THRAP3: variants seen among roughly 807,000 people sequenced by gnomAD.
THRAP3 encodes thyroid hormone receptor associated protein 3.
Under a neutral mutation model 101.0 loss-of-function variants are expected in THRAP3, and 16 were observed. The observed-to-expected ratio is 0.16, with a 90% CI of 0.11 to 0.24. The LOEUF (loss-of-function observed/expected upper bound fraction) is 0.24. Ranked by LOEUF, THRAP3 falls within the 10% of genes least tolerant of loss-of-function variation. The pLI is 1.00. For synonymous variants in THRAP3, 407 were observed against 422.6 expected, an observed-to-expected ratio of 0.96 and a Z score of 0.45; for missense variants, 989 against 1,202.7, an observed-to-expected ratio of 0.82 and a Z score of 2.63.
chr1:36,243,927 A>C (rs1346445541), intron 1 of THRAP3, among the ~76,000 whole-genome samples: 10 of 102,072 alleles, frequency 9.8e-5, no homozygotes, highest in African/African-American at 1.5e-4. Context: ...CGGGGGGCTG[A>C]CCCCCCCACC....
In THRAP3 at chr1:36,304,443, C is replaced by T. The variant is rs1301045078; in HGVS notation, c.*426C>T. 1 of 228,476 alleles carries T rather than the reference C, an allele frequency of 4.4e-6. No individual in the cohort carries two copies. The highest frequency in any genetic ancestry group is 2.3e-5 in the African/African-American group (1 of 43,656). The allele number at this position is 228,476 out of a possible 1,614,324, so 14.2% of individuals were successfully genotyped here. On this transcript the variant is annotated 3_prime_UTR_variant, in exon 12 of 12. Coordinates refer to ENST00000354618, the MANE Select transcript of THRAP3 (RefSeq NM_005119.4). ...CCCCTGTCCTGATTTTAAAAGCCCCCTCCTTTTTTTTTTTTTTTTTCTTTT... is the reference window on the plus strand; with the variant it reads ...CCCCTGTCCTGATTTTAAAAGCCCCTTCCTTTTTTTTTTTTTTTTTCTTTT...
At chr1:36,279,963 A>G (rs1403953139) in intron 2 of THRAP3, among the ~76,000 whole-genome samples, 1 of 152,216 alleles carries the variant, frequency 6.6e-6, no homozygotes, top group East Asian at 1.9e-4. Flanking sequence ...ACTGCTCTAG[A>G]CAGGCAATAT....
At chr1:36,213,407 G>A in the THRAP3 span, among the ~76,000 whole-genome samples, 72 of 152,226 alleles carry the variant, frequency 4.7e-4, no homozygotes, top group African/African-American at 1.6e-3. Flanking sequence ...GACATGTAAA[G>A]GCCTAAAACA....
chr1:36,211,221 C>T, the THRAP3 span, among the ~76,000 whole-genome samples: 8 of 151,702 alleles, frequency 5.3e-5, no homozygotes, highest in Non-Finnish European at 1.2e-4. Flanking sequence ...ATTAACTGTG[C>T]CTGGTGGCAC....
chr1:36,294,019 T>G, intron 8 of THRAP3, 84 bp downstream of exon 8: 2 of 1,571,198 alleles, frequency 1.3e-6, no homozygotes, highest in Non-Finnish European at 1.7e-6. Flanking sequence ...TTTAAATTAC[T>G]CTCTACTTAA....
chr1:36,212,427 T>A, the THRAP3 span, among the ~76,000 whole-genome samples: 2 of 147,764 alleles, frequency 1.4e-5, no homozygotes, highest in African/African-American at 2.5e-5. Context: ...TCTTTTTTTT[T>A]TTTTTTTTTT....
chr1:36,226,362 C>T (rs955919569), intron 1 of THRAP3, among the ~76,000 whole-genome samples: 5 of 152,092 alleles, frequency 3.3e-5, no homozygotes, highest in African/African-American at 7.2e-5. Flanking sequence ...TGGGTTCAAG[C>T]GATTCTCCTG....
chr1:36,265,608 A>C (rs549648670), intron 2 of THRAP3, among the ~76,000 whole-genome samples: 1 of 152,168 alleles, frequency 6.6e-6, no homozygotes, highest in Non-Finnish European at 1.5e-5. Flanking sequence ...AATTTTACCA[A>C]ATAACTGTAA....
At chr1:36,226,778 T>TA (rs2124322305) in intron 1 of THRAP3, among the ~76,000 whole-genome samples, 1 of 152,306 alleles carries the variant, frequency 6.6e-6, no homozygotes, top group East Asian at 1.9e-4. Flanking sequence ...ATTCAACAAA[T>TA]ACTACTTGAG....
intron 2 of THRAP3, among the ~76,000 whole-genome samples, chr1:36,274,843 G>A (rs1645635746): frequency 6.6e-6 from 1 of 151,012 alleles, no homozygotes; most frequent in Non-Finnish European, 1.5e-5. Flanking sequence ...ATGTTGGCCA[G>A]GCTGATCTCA....
At chr1:36,222,401 TC>T (rs1254006768), upstream of THRAP3, among the ~76,000 whole-genome samples, 1 of 151,998 alleles carries the variant, frequency 6.6e-6, no homozygotes, top group African/African-American at 2.4e-5. Context: ...TGCCTGTATT[TC>T]TTTTTTTCTT....
At chr1:36,262,159 A>G (rs12062920) in intron 2 of THRAP3, among the ~76,000 whole-genome samples, 2,738 of 152,332 alleles carry the variant, frequency 0.018, 96 homozygotes, top group African/African-American at 0.062. Flanking sequence ...ATTTCAACAT[A>G]TAAGTGATAT....
intron 1 of THRAP3, among the ~76,000 whole-genome samples, chr1:36,234,832 T>TG (rs1645066954): frequency 1.6e-5 from 2 of 126,096 alleles, no homozygotes; most frequent in African/African-American, 3.1e-5. Context: ...TTTTTTTTTT[T>TG]GAGATAGAGT....
upstream of THRAP3, among the ~76,000 whole-genome samples, chr1:36,220,447 G>A (rs552868304): frequency 6.6e-6 from 1 of 152,208 alleles, no homozygotes; most frequent in Admixed American, 6.6e-5. Context: ...AGGCTGAGGT[G>A]GACTGATTAC....
At position 36,289,713 on chromosome 1, in the gene THRAP3, G is replaced by A. The variant is rs767759648; in HGVS notation, c.1694G>A (p.Arg565Gln). The A allele has an allele frequency of 1.1e-5, 17 of 1,613,670 alleles. No homozygotes were observed. Among genetic ancestry groups the A allele is most frequent in the Admixed American group, 1.7e-5 (1 of 59,954 alleles). The part of the protein sequence containing the change: ...PTGKSSFSIT[R>Q]EAQVNVRMDS... ...GGAAAGTCTTCCTTTTCCATTACTC[G>A]AGAGGCACAGGTCAATGTCCGGATG... Residue 565 changes from arginine (R) to glutamine (Q), a missense_variant, in exon 5 of 12, where the codon CGA (arginine) becomes CAA (glutamine). Physicochemically the swap from Arg to Gln is conservative, Grantham distance 43. Transcript: ENST00000354618.
intron 1 of THRAP3, among the ~76,000 whole-genome samples, chr1:36,225,947 C>G (rs1420932573): frequency 6.6e-6 from 1 of 152,154 alleles, no homozygotes; most frequent in African/African-American, 2.4e-5. Context: ...GTAATTCCAT[C>G]TCTTTGTTTT....
chr1:36,281,269 A>C (rs1452131581), intron 2 of THRAP3, among the ~76,000 whole-genome samples: 1 of 152,150 alleles, frequency 6.6e-6, no homozygotes, highest in Non-Finnish European at 1.5e-5. Context: ...TGTGCCACAT[A>C]CTCTGTAACT....
chr1:36,256,615 T>C (rs983942326), intron 1 of THRAP3, among the ~76,000 whole-genome samples: 9 of 152,184 alleles, frequency 5.9e-5, no homozygotes, highest in African/African-American at 2.2e-4. Context: ...GCATGTATCA[T>C]TGCAGTTTGT....
chr1:36,241,428 T>TATATATACAC (rs1287287207), intron 1 of THRAP3, among the ~76,000 whole-genome samples: 1 of 137,862 alleles, frequency 7.3e-6, no homozygotes, highest in African/African-American at 2.9e-5. Context: ...TATATATATA[T>TATATATACAC]ACACATATAT....
Sources: allele counts gnomAD v4.1 joint callset (sites outside exome capture counted in the v4.1 genomes callset), GRCh38; gene constraint gnomAD v4.1.1; transcripts MANE v1.5; gene names NCBI Gene and HGNC (gene_info 2026-07-23, HGNC 2026-07-21).